GNA14: variants seen among roughly 807,000 people sequenced by gnomAD.
The protein encoded by GNA14 is guanine nucleotide-binding protein subunit alpha-14.
In GNA14, 50 loss-of-function variants were observed where a neutral mutation model predicts 42.0. The ratio of observed to expected loss-of-function variants is 1.19; its 90% CI spans 0.95 to 1.51. GNA14 has a LOEUF of 1.51. Among genes scored for constraint, GNA14 ranks in the 40% most tolerant of loss-of-function variants. The pLI, the probability that GNA14 is intolerant of heterozygous loss-of-function variation, is 0.00. For synonymous variants in GNA14, 173 were observed against 163.1 expected, an observed-to-expected ratio of 1.06 and a Z score of -0.46; for missense variants, 473 against 446.2, an observed-to-expected ratio of 1.06 and a Z score of -0.54.
At chr9:77,533,460 G>T (rs920254145) in intron 1 of GNA14, among the ~76,000 whole-genome samples, 2 of 152,234 alleles carry the variant, frequency 1.3e-5, no homozygotes, top group African/African-American at 2.4e-5. Context: ...GATTACAGGC[G>T]TGAGCCACCA....
intron 1 of GNA14, among the ~76,000 whole-genome samples, chr9:77,570,995 A>G (rs539710415): frequency 6.6e-6 from 1 of 152,298 alleles, no homozygotes; most frequent in African/African-American, 2.4e-5. Context: ...TGCTAGGCAT[A>G]CCTTACTTAA....
chr9:77,476,817 C>G (rs1836435038), intron 2 of GNA14, among the ~76,000 whole-genome samples: 1 of 152,028 alleles, frequency 6.6e-6, no homozygotes, highest in East Asian at 1.9e-4. Flanking sequence ...GGGGAGAAAC[C>G]CAAAAGAAGT....
chr9:77,619,476 C>G (rs1478671901), intron 1 of GNA14, among the ~76,000 whole-genome samples: 1 of 152,148 alleles, frequency 6.6e-6, no homozygotes, highest in East Asian at 1.9e-4. Context: ...GCTGGGATTA[C>G]AGGTATGAGC....
chr9:77,452,496 C>G (rs909931651), intron 2 of GNA14, among the ~76,000 whole-genome samples: 1 of 150,098 alleles, frequency 6.7e-6, no homozygotes, highest in Non-Finnish European at 1.5e-5. Flanking sequence ...TAGTTTAGGA[C>G]AAAGTCTGAA....
At chr9:77,429,722 A>C (rs1289548773) in intron 4 of GNA14, among the ~76,000 whole-genome samples, 1 of 152,214 alleles carries the variant, frequency 6.6e-6, no homozygotes, top group Non-Finnish European at 1.5e-5. Flanking sequence ...CCCTGTCTAC[A>C]GGGAAGCCTG....
intron 1 of GNA14, among the ~76,000 whole-genome samples, chr9:77,618,975 T>A (rs1052395176): frequency 3.9e-5 from 6 of 151,944 alleles, no homozygotes; most frequent in Non-Finnish European, 7.4e-5. Flanking sequence ...ATATTAACAA[T>A]AATTTTACAT....
intron 1 of GNA14, among the ~76,000 whole-genome samples, chr9:77,642,465 C>G (rs757477291): frequency 4.6e-5 from 7 of 152,106 alleles, no homozygotes; most frequent in Non-Finnish European, 1.0e-4. Context: ...ACTCACATAA[C>G]TGGTTAAAAT....
chr9:77,602,807 C>G (rs1256730149), intron 1 of GNA14, among the ~76,000 whole-genome samples: 1 of 152,148 alleles, frequency 6.6e-6, no homozygotes, highest in Non-Finnish European at 1.5e-5. Flanking sequence ...TGCAATTGCA[C>G]AGGGCTTCAT....
At chr9:77,523,575 T>C (rs1180616121) in intron 2 of GNA14, among the ~76,000 whole-genome samples, 1 of 152,152 alleles carries the variant, frequency 6.6e-6, no homozygotes, top group Non-Finnish European at 1.5e-5. Flanking sequence ...CAGGCACACA[T>C]CCAAACCATA....
intron 2 of GNA14, among the ~76,000 whole-genome samples, chr9:77,520,072 A>G (rs1258471827): frequency 2.0e-5 from 3 of 152,200 alleles, no homozygotes; most frequent in African/African-American, 7.2e-5. Context: ...GCCATGCAAT[A>G]AAACTGCATT....
intron 1 of GNA14, among the ~76,000 whole-genome samples, chr9:77,588,980 G>C (rs557097697): frequency 2.8e-4 from 43 of 152,222 alleles, no homozygotes; most frequent in Non-Finnish European, 1.0e-4. Flanking sequence ...GGCCAGCACA[G>C]CTAAAAAGAA....
At position 77,630,454 on chromosome 9, in the gene GNA14, C is replaced by G. The variant is rs1357863447; in HGVS notation, c.124+17216G>C. Among the ~76,000 whole-genome samples the G allele has an allele frequency of 4.6e-5, 7 of 152,254 alleles. No homozygotes were observed. The East Asian group carries it at 1.4e-3, about 29-fold the overall frequency. ...ATTTATTTAATCGATCTACCAGAAT[C>G]ACTTAACTGCTTAGATTTTGCTTGA... is the stretch of plus-strand genomic sequence containing the variant. On this transcript the variant is annotated intron_variant, in intron 1 of 6. Transcript: ENST00000341700.
At chr9:77,497,320 C>T (rs921253505) in intron 2 of GNA14, among the ~76,000 whole-genome samples, 1 of 152,292 alleles carries the variant, frequency 6.6e-6, no homozygotes, top group African/African-American at 2.4e-5. Context: ...ACACTCCAGA[C>T]ATTGCATCTC....
intron 2 of GNA14, among the ~76,000 whole-genome samples, chr9:77,447,344 C>A (rs1835837959): frequency 6.6e-6 from 1 of 152,200 alleles, no homozygotes; most frequent in African/African-American, 2.4e-5. Context: ...TTCTCAGACC[C>A]AAACTACAGT....
chr9:77,643,069 A>G (rs1019039135), intron 1 of GNA14, among the ~76,000 whole-genome samples: 2 of 152,130 alleles, frequency 1.3e-5, no homozygotes, highest in East Asian at 3.9e-4. Context: ...CATCTTCCTC[A>G]TAACAGCTAT....
At chr9:77,600,265 G>A (rs1823536225) in intron 1 of GNA14, among the ~76,000 whole-genome samples, 1 of 152,192 alleles carries the variant, frequency 6.6e-6, no homozygotes, top group African/African-American at 2.4e-5. Flanking sequence ...ATTCGCACCA[G>A]TAATTTTTTT....
intron 1 of GNA14, among the ~76,000 whole-genome samples, chr9:77,567,855 A>G (rs1015643929): frequency 3.3e-5 from 5 of 152,206 alleles, no homozygotes; most frequent in Admixed American, 6.5e-5. Context: ...TGACAGAGAG[A>G]GACTCCGTCT....
intron 2 of GNA14, among the ~76,000 whole-genome samples, chr9:77,489,695 C>A (rs1426235618): frequency 1.3e-5 from 2 of 151,706 alleles, no homozygotes; most frequent in East Asian, 1.9e-4. Context: ...CAGACCTTCG[C>A]GGTGAGTGTT....
Position 77,647,727 on chromosome 9 carries a change from G to T in GNA14, c.67C>A (p.Arg23=). 1 of 1,609,930 alleles carries T rather than the reference G, an allele frequency of 6.2e-7. No individual in the cohort carries two copies. Among genetic ancestry groups the T allele is most frequent in the Non-Finnish European group, 8.5e-7 (1 of 1,178,540 alleles). The change falls in exon 1 of 7, where the codon CGA becomes AGA. Residue 23 remains arginine (R), a synonymous_variant. Transcript: ENST00000341700. The part of the protein sequence containing the change: ...ESQRISAEIE[R]QLRRDKKDAR... ...TCCTTCTTGTCCCGACGAAGCTGTC[G>T]CTCGATCTCCGCGCTGATGCGCTGC...
Sources: allele counts gnomAD v4.1 joint callset (sites outside exome capture counted in the v4.1 genomes callset), GRCh38; gene constraint gnomAD v4.1.1; transcripts MANE v1.5; gene names NCBI Gene and HGNC (gene_info 2026-07-23, HGNC 2026-07-21).